Variants in CHTOP observed in about 807,000 individuals in gnomAD.
CHTOP encodes the protein chromatin target of PRMT1 protein.
A neutral mutation model predicts 33.6 loss-of-function variants in CHTOP; 18 were observed. That is an observed-to-expected ratio of 0.54 (90% CI 0.37 to 0.80). The LOEUF (loss-of-function observed/expected upper bound fraction) is 0.80, where lower values mean the gene tolerates loss of function less well. Ranked by LOEUF, CHTOP falls within the 30% of genes least tolerant of loss-of-function variation. The pLI, the probability that CHTOP is intolerant of heterozygous loss-of-function variation, is 0.00. For synonymous variants in CHTOP, 117 were observed against 127.7 expected, an observed-to-expected ratio of 0.92 and a Z score of 0.56; for missense variants, 263 against 336.8, an observed-to-expected ratio of 0.78 and a Z score of 1.71.
Position 153,642,318 on chromosome 1 carries a change from G to C in CHTOP, c.292G>C (p.Gly98Arg). The change falls in exon 4 of 6, where the codon GGA becomes CGA. Residue 98 changes from glycine (G) to arginine (R), a missense_variant. Around this residue, in one of 3 missense-constraint regions of CHTOP, gnomAD observed 168 missense variants for 179.9 expected, o/e 0.93. Coordinates refer to ENST00000368694, the MANE Select transcript of CHTOP (RefSeq NM_015607.4). ...CCGACCCATAGGGGCCCTGGCCAGG[G>C]GAGCAATCGGAGGACGAGGCCTACC... is the stretch of plus-strand genomic sequence containing the variant. ...LGRPIGALARGAIGGRGLPII... is the reference protein window; with the variant it reads ...LGRPIGALARRAIGGRGLPII... 6.2e-7 allele frequency: 1 copy of C among 1,614,174 alleles called. No homozygotes were observed. Among genetic ancestry groups the C allele is most frequent in the Middle Eastern group, 1.6e-4 (1 of 6,062 alleles).
intron 5 of CHTOP, chr1:153,643,658 G>A (rs145970450): frequency 1.4e-3 from 320 of 222,718 alleles, no homozygotes; most frequent in African/African-American, 6.6e-3. Context: ...GGTCAGTTTA[G>A]GGTTTTGCCT....
intron 5 of CHTOP, chr1:153,643,891 G>T (rs1450557485): frequency 6.6e-6 from 1 of 152,330 alleles, no homozygotes; most frequent in Non-Finnish European, 1.5e-5. Flanking sequence ...TTTGCTTAAG[G>T]TAGAGAGCAA....
intron 3 of CHTOP, among the ~76,000 whole-genome samples, chr1:153,640,746 G>A (rs1181224661): frequency 6.6e-6 from 1 of 152,276 alleles, no homozygotes. Context: ...ACTTCAGCCT[G>A]GGCAACAGAG....
At chr1:153,640,984 A>G (rs1352555407) in intron 3 of CHTOP, among the ~76,000 whole-genome samples, 2 of 152,252 alleles carry the variant, frequency 1.3e-5, no homozygotes, top group African/African-American at 4.8e-5. Flanking sequence ...GAATTAATAT[A>G]TGCAGGATAA....
intron 5 of CHTOP, chr1:153,644,159 C>T (rs1668720773): frequency 6.6e-6 from 1 of 152,182 alleles, no homozygotes; most frequent in South Asian, 2.1e-4. Context: ...TTGGGTCTTC[C>T]ATAACTTATG....
intron 1 of CHTOP, among the ~76,000 whole-genome samples, chr1:153,635,514 C>T (rs972144141): frequency 1.3e-5 from 2 of 151,758 alleles, no homozygotes; most frequent in African/African-American, 4.8e-5. Flanking sequence ...TTGAAAATGA[C>T]TGCTCTAGAG....
intron 5 of CHTOP, among the ~76,000 whole-genome samples, chr1:153,644,846 G>C (rs746818300): frequency 1.3e-5 from 2 of 152,262 alleles, no homozygotes; most frequent in African/African-American, 4.8e-5. Flanking sequence ...TGTTAAAATA[G>C]CATTTAGAGA....
intron 3 of CHTOP, 109 bp from the exon 4 acceptor site, chr1:153,642,137 C>A: frequency 1.2e-6 from 1 of 857,476 alleles, no homozygotes; most frequent in Non-Finnish European, 1.8e-6. Flanking sequence ...AGGTTTATCT[C>A]CCTTCACACC....
At chr1:153,635,692 A>C (rs1229192417) in intron 1 of CHTOP, among the ~76,000 whole-genome samples, 2 of 151,922 alleles carry the variant, frequency 1.3e-5, no homozygotes, top group African/African-American at 4.8e-5. Flanking sequence ...GCATGGTGGC[A>C]CGTGCCTGTA....
At chr1:153,636,703 A>G (rs373408378) in intron 2 of CHTOP, 50 bp downstream of exon 2, 2 of 1,552,904 alleles carry the variant, frequency 1.3e-6, no homozygotes, top group Non-Finnish European at 1.8e-6. Flanking sequence ...AACATTACTT[A>G]ACTTGGCCCT....
chr1:153,634,826 A>ATG (rs1360385716), intron 1 of CHTOP, among the ~76,000 whole-genome samples: 9 of 149,262 alleles, frequency 6.0e-5, no homozygotes, highest in African/African-American at 4.9e-5. Context: ...GCATATATAT[A>ATG]TGTATATATA....
rs1251663438 is a variant in CHTOP, at chr1:153,645,496, TA to T, written c.*228del. On this transcript the variant is annotated 3_prime_UTR_variant, in exon 6 of 6. Coordinates refer to ENST00000368694, the MANE Select transcript of CHTOP (RefSeq NM_015607.4). ...ATTTGGTTTTTTGTTTTTGTTTTTTTAGGGGGGAGGGGGGGTTTCCCCTCCT... is the reference window on the plus strand; with the variant it reads ...ATTTGGTTTTTTGTTTTTGTTTTTTTGGGGGGAGGGGGGGTTTCCCCTCCT... The T allele has an allele frequency of 9.0e-6, 1 of 111,242 alleles. No individual in the cohort carries two copies. Among genetic ancestry groups the T allele is most frequent in the African/African-American group, 4.3e-5 (1 of 23,422 alleles). 6.9% of individuals were successfully genotyped at this position (111,242 alleles called of 1,614,324 possible). A position where few individuals can be genotyped will look rare whatever the true frequency, so the allele number is the denominator to read the frequency against.
At chr1:153,637,563 A>G (rs950193084) in intron 2 of CHTOP, 5 of 152,196 alleles carry the variant, frequency 3.3e-5, no homozygotes, top group African/African-American at 1.2e-4. Flanking sequence ...TAGGAGAATC[A>G]CTTGAACCCG....
In CHTOP at chr1:153,645,008, C is replaced by T. The variant is rs1233244696; in HGVS notation, c.542-56C>T. 5.9e-6 allele frequency: 9 copies of T among 1,525,750 alleles called. No individual in the cohort carries two copies. The East Asian group carries it at 1.6e-4, about 27-fold the overall frequency. 94.5% of individuals were successfully genotyped at this position (1,525,750 alleles called of 1,614,324 possible). On this transcript the variant is annotated intron_variant, in intron 5 of 5. Transcript: ENST00000368694. ...GCTCTAAGGGGCATTTACTACAGCA[C>T]CTATTAAACTTACTTGTAACTGTCT...
intron 1 of CHTOP, among the ~76,000 whole-genome samples, chr1:153,635,621 G>T (rs997805531): frequency 6.6e-6 from 1 of 151,900 alleles, no homozygotes; most frequent in African/African-American, 2.4e-5. Flanking sequence ...AGGAGTTCAA[G>T]ACCACCCTGG....
At position 153,638,358 on chromosome 1, in the gene CHTOP, A is replaced by G. The variant is rs1668488831; in HGVS notation, c.129A>G (p.Gln43=). The change falls in exon 3 of 6, where the codon CAA becomes CAG. Residue 43 remains glutamine (Q), a synonymous_variant. Coordinates refer to ENST00000368694, the MANE Select transcript of CHTOP (RefSeq NM_015607.4). The part of the protein sequence containing the change: ...TPVNIRASMQ[Q]QQQLASARNR... ...TGAATATTCGGGCTTCGATGCAGCA[A>G]CAACAGCAGCTAGCCAGTGCCAGAA... 2 of 1,613,304 alleles carry G rather than the reference A, an allele frequency of 1.2e-6. No homozygotes were observed. The highest frequency in any genetic ancestry group is 1.1e-5 in the South Asian group (1 of 91,086).
At chr1:153,643,398 C>G (rs1369782726) in intron 5 of CHTOP, 34 bp downstream of exon 5, 1 of 1,476,862 alleles carries the variant, frequency 6.8e-7, no homozygotes, top group South Asian at 1.4e-5. Flanking sequence ...GAGTAGCTCC[C>G]CCTTACTTTC....
At chr1:153,642,782 G>C (rs1668673863) in intron 4 of CHTOP, 3 of 219,556 alleles carry the variant, frequency 1.4e-5, no homozygotes, top group Admixed American at 5.2e-5. Flanking sequence ...TGTTCCTGGT[G>C]CTAGTAAAAC....
rs759452078 is a variant in CHTOP, at chr1:153,638,426, A to AGGCAGCATT, written c.198_206dup (p.Ala67_Leu69dup). The AGGCAGCATT allele has an allele frequency of 1.9e-6, 3 of 1,614,244 alleles. No homozygotes were observed. In the South Asian group the frequency reaches 3.3e-5, roughly 18 times the overall value. ...CAGATGGAGAATAGACCCTCTGTCC[A>AGGCAGCATT]GGCAGCATTAAAACTTAAGCAGGTG... On this transcript the variant is annotated inframe_insertion, in exon 3 of 6. Transcript: ENST00000368694.
Sources: allele counts gnomAD v4.1 joint callset (sites outside exome capture counted in the v4.1 genomes callset), GRCh38; gene constraint gnomAD v4.1.1; regional missense constraint gnomAD v4.1.1; transcripts MANE v1.5; gene names NCBI Gene and HGNC (gene_info 2026-07-23, HGNC 2026-07-21).